The following MRTFB variants were observed in gnomAD, a reference collection of about 807,000 sequenced individuals.
The protein encoded by MRTFB is myocardin related transcription factor B.
In MRTFB, 29 loss-of-function variants were observed where a neutral mutation model predicts 104.2. That is an observed-to-expected ratio of 0.28 (90% CI 0.21 to 0.38). The LOEUF (loss-of-function observed/expected upper bound fraction) is 0.38. MRTFB is among the 10% of genes least tolerant of loss of function. The probability of loss-of-function intolerance (pLI) is 1.00; values close to 1 mark genes in which losing one functional copy is unlikely to be tolerated. For missense variants in MRTFB, 1,270 were observed against 1,341.6 expected (o/e 0.95, Z 0.83); for synonymous variants, 535 against 519.5 (o/e 1.03, Z -0.41).
rs145039339 is a variant in MRTFB at position 14,074,654 on chromosome 16, A to G, written c.-129+3289A>G. Among the ~76,000 whole-genome samples the G allele has an allele frequency of 2.3e-3, 355 of 152,320 alleles. 3 individuals are homozygous for G. Among genetic ancestry groups the G allele is most frequent in the African/African-American group, 8.0e-3 (334 of 41,568 alleles). ...CATCTTAGAGTCAATGAAATAGGGA[A>G]TATGTAAAAATTATTACATAATTTT... is the stretch of plus-strand genomic sequence containing the variant. On this transcript the variant is annotated intron_variant, in intron 1 of 16. Transcript: ENST00000571589.
chr16:14,168,929 T>C (rs2039336197), intron 3 of MRTFB, among the ~76,000 whole-genome samples: 1 of 152,230 alleles, frequency 6.6e-6, no homozygotes, highest in African/African-American at 2.4e-5. Flanking sequence ...GAAGTTTTGA[T>C]TTGCATTTTC....
chr16:14,221,778 CTTTTT>C (rs34467645), intron 8 of MRTFB, among the ~76,000 whole-genome samples: 2 of 70,822 alleles, frequency 2.8e-5, no homozygotes, highest in Non-Finnish European at 2.9e-5. Context: ...TATTTCTTTC[CTTTTT>C]TTTTTTTTTT....
Position 14,261,904 on chromosome 16 carries a change from G to T in MRTFB, c.*460G>T, listed in dbSNP as rs1038431411. 2 of 153,920 alleles carry T rather than the reference G, an allele frequency of 1.3e-5. No individual in the cohort carries two copies. The highest frequency in any genetic ancestry group is 2.9e-5 in the Non-Finnish European group (2 of 69,266). The allele number at this position is 153,920 out of a possible 1,614,324, so 9.5% of individuals were successfully genotyped here. Reference sequence around the variant, plus strand: ...AGGTCACTGCACTTGGTACTTCCTAGAGACGGCCGGAGCCAGGCCCAAGAC... The same window carrying T: ...AGGTCACTGCACTTGGTACTTCCTATAGACGGCCGGAGCCAGGCCCAAGAC... On this transcript the variant is annotated 3_prime_UTR_variant, in exon 17 of 17. Coordinates refer to ENST00000571589, the MANE Select transcript of MRTFB (RefSeq NM_001308142.2).
chr16:14,059,992 A>G, the MRTFB span, among the ~76,000 whole-genome samples: 3 of 144,518 alleles, frequency 2.1e-5, no homozygotes, highest in Admixed American at 2.1e-4. Flanking sequence ...ACAGAGAGAC[A>G]TGTAATTTTT....
At chr16:14,179,178 C>T (rs780606335) in intron 3 of MRTFB, among the ~76,000 whole-genome samples, 1 of 152,206 alleles carries the variant, frequency 6.6e-6, no homozygotes, top group Non-Finnish European at 1.5e-5. Context: ...ATCCACAATG[C>T]TAATGAAATT....
the MRTFB span, among the ~76,000 whole-genome samples, chr16:14,042,845 C>T: frequency 6.6e-6 from 1 of 152,182 alleles, no homozygotes; most frequent in Admixed American, 6.5e-5. Flanking sequence ...CTTGCTAATA[C>T]CCCAGACGGG....
chr16:14,259,524 G>C (rs555827488), intron 16 of MRTFB, among the ~76,000 whole-genome samples: 17 of 150,548 alleles, frequency 1.1e-4, no homozygotes, highest in Non-Finnish European at 5.9e-5. Context: ...ACTTTGGGAG[G>C]CCACGGCAAG....
At chr16:14,049,328 G>A in the MRTFB span, among the ~76,000 whole-genome samples, 1 of 152,196 alleles carries the variant, frequency 6.6e-6, no homozygotes, top group Non-Finnish European at 1.5e-5. Context: ...TAAATAAGAA[G>A]CCAGTGTCAC....
Position 14,075,100 on chromosome 16 carries a change from A to G in MRTFB, c.-129+3735A>G, listed in dbSNP as rs183770303. 7.1e-4 allele frequency among the ~76,000 whole-genome samples: 108 copies of G among 152,342 alleles called. No homozygotes were observed. The East Asian group carries it at 0.016, about 22-fold the overall frequency. On this transcript the variant is annotated intron_variant, in intron 1 of 16. Transcript: ENST00000571589. The stretch of plus-strand genomic sequence containing the variant: ...ACGTCCTTAAATTGGATCTCAGTGA[A>G]TTATAGTTGTTATTGTTGTTTAAGA...
chr16:14,159,305 T>C (rs2038941906), intron 3 of MRTFB, among the ~76,000 whole-genome samples: 1 of 152,240 alleles, frequency 6.6e-6, no homozygotes, highest in African/African-American at 2.4e-5. Context: ...TTGTGTGTTT[T>C]CATTCTAGCT....
rs150831079 is a variant in MRTFB, at chr16:14,136,810, A to G, written c.-63-3734A>G. Among the ~76,000 whole-genome samples the G allele has an allele frequency of 2.9e-3, 443 of 151,972 alleles. 2 individuals carry two copies. Among genetic ancestry groups the G allele is most frequent in the African/African-American group, 0.01 (424 of 41,442 alleles). On this transcript the variant is annotated intron_variant, in intron 2 of 16. Transcript: ENST00000571589. ...CCTCTGGCATAGTATCTCACAATGAACTGGTTTGTTTTTTGAGAGAAGTTG... is the reference window on the plus strand; with the variant it reads ...CCTCTGGCATAGTATCTCACAATGAGCTGGTTTGTTTTTTGAGAGAAGTTG...
chr16:14,163,104 C>G (rs1321420898), intron 3 of MRTFB, among the ~76,000 whole-genome samples: 1 of 152,166 alleles, frequency 6.6e-6, no homozygotes, highest in Admixed American at 6.5e-5. Flanking sequence ...CTACTGCTAA[C>G]AAATCTATTA....
chr16:14,124,062 C>T (rs1241842423), intron 2 of MRTFB, among the ~76,000 whole-genome samples: 1 of 152,000 alleles, frequency 6.6e-6, no homozygotes, highest in African/African-American at 2.4e-5. Flanking sequence ...TGATTTGGCT[C>T]TCTGTCTGTT....
intron 3 of MRTFB, among the ~76,000 whole-genome samples, chr16:14,203,662 G>T (rs970056162): frequency 2.6e-5 from 4 of 151,796 alleles, no homozygotes; most frequent in African/African-American, 9.7e-5. Context: ...GATTAGCCGG[G>T]CATGGTGGTA....
rs1000335494 is a variant in MRTFB at position 14,214,088 on chromosome 16, C to G, written c.352+468C>G. ...CACCTTGAGCTGACCATTAGCACCTCCCATCCACCTCCGCCAAATGATCTC... is the reference window on the plus strand; with the variant it reads ...CACCTTGAGCTGACCATTAGCACCTGCCATCCACCTCCGCCAAATGATCTC... On this transcript the variant is annotated intron_variant, in intron 6 of 16. Transcript: ENST00000571589. 2.6e-5 allele frequency among the ~76,000 whole-genome samples: 4 copies of G among 152,182 alleles called. No homozygotes were observed. In the South Asian group the frequency reaches 6.2e-4, roughly 24 times the overall value.
chr16:14,228,371 T>G (rs1369152736), intron 8 of MRTFB, among the ~76,000 whole-genome samples: 2 of 152,138 alleles, frequency 1.3e-5, no homozygotes, highest in Non-Finnish European at 2.9e-5. Context: ...GGTTAGGAGA[T>G]CGAGACCATC....
chr16:14,233,347 T>C (rs2042348349), intron 8 of MRTFB, among the ~76,000 whole-genome samples: 1 of 152,142 alleles, frequency 6.6e-6, no homozygotes, highest in Non-Finnish European at 1.5e-5. Flanking sequence ...ACAGAGGGTG[T>C]AAAGCACATT....
At chr16:14,230,766 G>A (rs1023838512) in intron 8 of MRTFB, among the ~76,000 whole-genome samples, 31 of 152,134 alleles carry the variant, frequency 2.0e-4, no homozygotes, top group South Asian at 6.2e-4. Flanking sequence ...CATTTGACCC[G>A]GCCATCCCAT....
At chr16:14,213,992 C>G (rs1297215020) in intron 6 of MRTFB, among the ~76,000 whole-genome samples, 1 of 152,168 alleles carries the variant, frequency 6.6e-6, no homozygotes, top group Non-Finnish European at 1.5e-5. Context: ...CTACTTGGAC[C>G]TTGTCTGTGT....
Sources: allele counts gnomAD v4.1 joint callset (sites outside exome capture counted in the v4.1 genomes callset), GRCh38; gene constraint gnomAD v4.1.1; transcripts MANE v1.5; gene names NCBI Gene and HGNC (gene_info 2026-07-23, HGNC 2026-07-21).